WLS: variants seen among roughly 807,000 people sequenced by gnomAD.
WLS encodes protein wntless homolog.
A neutral mutation model predicts 62.8 loss-of-function variants in WLS; 23 were observed. The ratio of observed to expected loss-of-function variants is 0.37; its 90% CI spans 0.26 to 0.52. WLS has a LOEUF of 0.52. Ranked by LOEUF, WLS falls within the 20% of genes least tolerant of loss-of-function variation. The pLI, the probability that WLS is intolerant of heterozygous loss-of-function variation, is 0.92. For missense variants in WLS, 615 were observed against 697.3 expected, an observed-to-expected ratio of 0.88 and a Z score of 1.33; for synonymous variants, 246 against 244.1, an observed-to-expected ratio of 1.01 and a Z score of -0.07.
At chr1:68,154,143 G>A (rs913154423) in intron 4 of WLS, among the ~76,000 whole-genome samples, 2 of 151,904 alleles carry the variant, frequency 1.3e-5, no homozygotes, top group African/African-American at 4.8e-5. Context: ...CCCCAAAAAA[G>A]CCACATTTGA....
chr1:68,202,090 C>G (rs1286391755), intron 1 of WLS: 1 of 152,174 alleles, frequency 6.6e-6, no homozygotes, highest in African/African-American at 2.4e-5. Context: ...CAAACAAGCG[C>G]CACTTGGCTT....
At chr1:68,101,364 C>T (rs1448600219) in intron 11 of WLS, among the ~76,000 whole-genome samples, 1 of 152,010 alleles carries the variant, frequency 6.6e-6, no homozygotes, top group Non-Finnish European at 1.5e-5. Flanking sequence ...AATAGTTTTC[C>T]TTTGCTCTTT....
chr1:68,162,558 G>A lies in WLS; in HGVS notation c.380-3311C>T, dbSNP rs796691915. 2.5e-6 allele frequency: 4 copies of A among 1,573,962 alleles called. No homozygotes were observed. In the Admixed American group the frequency reaches 6.7e-5, roughly 26 times the overall value. The stretch of plus-strand genomic sequence containing the variant: ...CGATGAGGCCCAGCATTTCCCCACG[G>A]ATGCTGGCCGATCCCGAGGCCAACT... On this transcript the variant is annotated intron_variant, in intron 2 of 11. Coordinates refer to ENST00000262348, the MANE Select transcript of WLS (RefSeq NM_024911.7).
At chr1:68,184,992 A>C (rs1021744868) in intron 2 of WLS, among the ~76,000 whole-genome samples, 5 of 152,374 alleles carry the variant, frequency 3.3e-5, no homozygotes, top group African/African-American at 9.6e-5. Flanking sequence ...CATAATCAAC[A>C]TAACACAGAC....
chr1:68,194,969 T>C (rs748979532), intron 1 of WLS, among the ~76,000 whole-genome samples: 2 of 152,142 alleles, frequency 1.3e-5, no homozygotes, highest in Non-Finnish European at 2.9e-5. Flanking sequence ...ACTTGGAAAA[T>C]ACAGAAATTT....
chr1:68,161,685 T>C (rs1399008182), intron 2 of WLS: 1 of 1,130,198 alleles, frequency 8.8e-7, no homozygotes, highest in African/African-American at 1.5e-5. Context: ...TCTTTTTCTC[T>C]TAGTTCATCA....
intron 2 of WLS, among the ~76,000 whole-genome samples, chr1:68,171,690 T>C (rs535135284): frequency 6.6e-6 from 1 of 152,200 alleles, no homozygotes; most frequent in Admixed American, 6.5e-5. Context: ...TGTGGAGAAA[T>C]AGGAACACTT....
intron 9 of WLS, among the ~76,000 whole-genome samples, chr1:68,145,330 T>G (rs1004702323): frequency 9.8e-5 from 15 of 152,318 alleles, no homozygotes; most frequent in Admixed American, 8.5e-4. Context: ...ATGTGTTGCT[T>G]GCATTGGGGA....
chr1:68,144,071 G>A (rs1469510169), intron 10 of WLS, among the ~76,000 whole-genome samples: 1 of 152,180 alleles, frequency 6.6e-6, no homozygotes, highest in Non-Finnish European at 1.5e-5. Context: ...ATTTTAAAAT[G>A]ATTGTTATTG....
At chr1:68,230,600 T>C (rs1452217963) in intron 1 of WLS, among the ~76,000 whole-genome samples, 1 of 151,746 alleles carries the variant, frequency 6.6e-6, no homozygotes, top group Admixed American at 6.6e-5. Flanking sequence ...TGTGTGTGTG[T>C]GTGTGTGTGT....
intron 1 of WLS, among the ~76,000 whole-genome samples, chr1:68,222,390 G>A (rs910316762): frequency 6.6e-6 from 1 of 152,130 alleles, no homozygotes; most frequent in Non-Finnish European, 1.5e-5. Flanking sequence ...TGTTCCATAA[G>A]GGATTGGCTA....
intron 7 of WLS, 127 bp from the exon 8 acceptor site, chr1:68,148,326 C>T: frequency 1.9e-6 from 2 of 1,052,050 alleles, no homozygotes; most frequent in East Asian, 4.9e-5. Context: ...AAAAACATTA[C>T]AGAAATCCTA....
At chr1:68,108,833 A>AG (rs1646182255) in intron 11 of WLS, among the ~76,000 whole-genome samples, 1 of 152,218 alleles carries the variant, frequency 6.6e-6, no homozygotes, top group Non-Finnish European at 1.5e-5. Context: ...AAATTGGCAC[A>AG]CTAAAGATAC....
At chr1:68,111,060 T>C (rs1570804708) in intron 11 of WLS, among the ~76,000 whole-genome samples, 2 of 152,210 alleles carry the variant, frequency 1.3e-5, no homozygotes, top group Admixed American at 6.5e-5. Flanking sequence ...TCATCAAAGA[T>C]ACCATAAATG....
At chr1:68,125,268 T>G, downstream of WLS, 1 of 931,534 alleles carries the variant, frequency 1.1e-6, no homozygotes, top group Non-Finnish European at 1.3e-6. Flanking sequence ...TTTGATTTGA[T>G]GATAAAGTAT....
intron 11 of WLS, among the ~76,000 whole-genome samples, chr1:68,130,889 C>CTTTTTTT (rs56038722): frequency 1.7e-4 from 17 of 100,832 alleles, no homozygotes; most frequent in African/African-American, 3.1e-4. Context: ...GTTTCTTCTT[C>CTTTTTTT]TTTTTTTTTT....
At position 68,150,248 on chromosome 1, in the gene WLS, C is replaced by A; in HGVS notation, c.912G>T (p.Gln304His). 1 of 1,614,162 alleles carries A rather than the reference C, an allele frequency of 6.2e-7. No homozygotes were observed. Among genetic ancestry groups the A allele is most frequent in the South Asian group, 1.1e-5 (1 of 91,076 alleles). Residue 304 changes from glutamine to histidine, a missense_variant, in exon 6 of 12, where the codon CAG becomes CAT. Physicochemically the swap from Gln to His is conservative, Grantham distance 24 (BLOSUM62 0). Transcript: ENST00000262348. ...ACAGAAGCATCGCATAGAAGATGCC[C>A]TGTCGGATGTCACCAAACAGCAGCA... ...TWMLLFGDIR[Q>H]GIFYAMLLSF...
chr1:68,145,853 C>G lies in WLS; in HGVS notation c.1278+16G>C, dbSNP rs1281784398. The G allele has an allele frequency of 6.2e-7, 1 of 1,613,708 alleles. No individual in the cohort carries two copies. Among genetic ancestry groups the G allele is most frequent in the African/African-American group, 1.3e-5 (1 of 74,900 alleles). ...AGCAAGCACCAGTTCCAGAACGAGC[C>G]AAGAAATCTGCCCACCTCATAGTGT... On this transcript the variant is annotated intron_variant, in intron 9 of 11. Transcript: ENST00000262348.
chr1:68,226,795 A>T (rs1650160128), intron 1 of WLS, among the ~76,000 whole-genome samples: 1 of 152,218 alleles, frequency 6.6e-6, no homozygotes. Context: ...AGGAGTTTTA[A>T]GGACCTTTAT....
Sources: allele counts gnomAD v4.1 joint callset (sites outside exome capture counted in the v4.1 genomes callset), GRCh38; gene constraint gnomAD v4.1.1; transcripts MANE v1.5; gene names NCBI Gene and HGNC (gene_info 2026-07-23, HGNC 2026-07-21).